The following PALM2AKAP2 variants were observed in gnomAD, a reference collection of about 807,000 sequenced individuals.
PALM2AKAP2 encodes PALM2 and AKAP2 fusion.
PALM2AKAP2 carries 37 observed loss-of-function variants against 71.5 expected under a neutral mutation model. The observed-to-expected ratio is 0.52, with a 90% CI of 0.40 to 0.68. The LOEUF (loss-of-function observed/expected upper bound fraction) is 0.68, where lower values mean the gene tolerates loss of function less well. PALM2AKAP2 is among the 30% of genes least tolerant of loss of function. The pLI is 0.00. For synonymous variants in PALM2AKAP2, 468 were observed against 478.8 expected (o/e 0.98, Z 0.29); for missense variants, 1,224 against 1,191.8 (o/e 1.03, Z -0.40).
intron 1 of PALM2AKAP2, among the ~76,000 whole-genome samples, chr9:109,798,748 GT>G (rs1472738471): frequency 6.6e-6 from 1 of 152,214 alleles, no homozygotes; most frequent in Admixed American, 6.5e-5. Context: ...TATGTTCACA[GT>G]TATTTAGAGT....
At chr9:109,726,286 C>T (rs149974594) in intron 1 of PALM2AKAP2, among the ~76,000 whole-genome samples, 39 of 152,310 alleles carry the variant, frequency 2.6e-4, no homozygotes, top group African/African-American at 8.4e-4. Context: ...CATGTAGAAT[C>T]CAGTCTGGTT....
intron 6 of PALM2AKAP2, among the ~76,000 whole-genome samples, chr9:109,988,356 T>A (rs371107387): frequency 1.3e-5 from 2 of 152,234 alleles, no homozygotes; most frequent in African/African-American, 4.8e-5. Context: ...TTCTAACCAA[T>A]TTTATATAGT....
intron 1 of PALM2AKAP2, among the ~76,000 whole-genome samples, chr9:109,743,723 A>G (rs1446397684): frequency 1.3e-5 from 2 of 152,148 alleles, no homozygotes; most frequent in African/African-American, 2.4e-5. Flanking sequence ...ACCTTGCATT[A>G]TGGTTGTTTG....
At chr9:110,137,437 A>T in exon 2 of PALM2AKAP2, 1 of 1,614,122 alleles carries the variant, frequency 6.2e-7, no homozygotes, top group Non-Finnish European at 8.5e-7. Context: ...TGGAGACCCC[A>T]TCGGCAGCAG....
intron 2 of PALM2AKAP2, among the ~76,000 whole-genome samples, chr9:110,138,978 C>G (rs762405478): frequency 5.9e-5 from 9 of 152,110 alleles, no homozygotes; most frequent in Non-Finnish European, 1.2e-4. Flanking sequence ...ACTAACTAAC[C>G]CCTTCTGAAT....
chr9:110,035,278 T>TACATATTAC, intron 7 of PALM2AKAP2, among the ~76,000 whole-genome samples: 3 of 84,224 alleles, frequency 3.6e-5, no homozygotes, highest in African/African-American at 7.3e-5. Context: ...TAATATATAA[T>TACATATTAC]ATACATATTG....
chr9:110,096,056 T>C (rs1466983893), intron 1 of PALM2AKAP2, among the ~76,000 whole-genome samples: 2 of 152,240 alleles, frequency 1.3e-5, no homozygotes, highest in African/African-American at 4.8e-5. Flanking sequence ...TACCCTTTTC[T>C]ATGTATGGAG....
At chr9:109,849,446 A>G (rs1828949994) in intron 1 of PALM2AKAP2, among the ~76,000 whole-genome samples, 1 of 152,140 alleles carries the variant, frequency 6.6e-6, no homozygotes, top group African/African-American at 2.4e-5. Context: ...TTGCTTTCAC[A>G]TGTCAAAAAA....
At chr9:110,152,916 C>T (rs905396624) in intron 2 of PALM2AKAP2, among the ~76,000 whole-genome samples, 4 of 152,090 alleles carry the variant, frequency 2.6e-5, no homozygotes, top group African/African-American at 4.8e-5. Context: ...GAATGATGGC[C>T]GGAAGTCTGG....
chr9:110,086,391 G>T (rs573400840), intron 1 of PALM2AKAP2, among the ~76,000 whole-genome samples: 7 of 152,220 alleles, frequency 4.6e-5, no homozygotes, highest in Non-Finnish European at 8.8e-5. Context: ...AGAGCACCCA[G>T]CACATAGTAG....
intron 1 of PALM2AKAP2, among the ~76,000 whole-genome samples, chr9:110,106,939 G>A (rs1835135041): frequency 6.6e-6 from 1 of 152,154 alleles, no homozygotes; most frequent in South Asian, 2.1e-4. Flanking sequence ...CCCAAACAAT[G>A]CTTTGATGTG....
At chr9:110,032,397 TAAAG>T (rs1458773876) in intron 7 of PALM2AKAP2, among the ~76,000 whole-genome samples, 1 of 148,496 alleles carries the variant, frequency 6.7e-6, no homozygotes, top group Non-Finnish European at 1.5e-5. Context: ...CATCTCTACT[TAAAG>T]AAAAAAAACC....
intron 3 of PALM2AKAP2, among the ~76,000 whole-genome samples, chr9:110,164,078 A>C (rs912983863): frequency 6.6e-6 from 1 of 152,218 alleles, no homozygotes; most frequent in Admixed American, 6.5e-5. Flanking sequence ...CTTTCATAAG[A>C]TATCAAATGA....
intron 1 of PALM2AKAP2, among the ~76,000 whole-genome samples, chr9:109,657,452 T>TTGTGTGTGTG (rs3062680): frequency 0.099 from 14,499 of 147,088 alleles, 756 homozygotes; most frequent in East Asian, 0.2. Context: ...AATATGGTAT[T>TTGTGTGTGTG]TGTGTGTGTG....
chr9:109,805,528 A>G (rs1232609597), intron 1 of PALM2AKAP2, among the ~76,000 whole-genome samples: 8 of 152,212 alleles, frequency 5.3e-5, no homozygotes, highest in Admixed American at 5.2e-4. Context: ...GGCACTGGAA[A>G]CACAAATGTA....
intron 1 of PALM2AKAP2, among the ~76,000 whole-genome samples, chr9:109,840,950 A>T (rs1587949900): frequency 1.3e-5 from 2 of 152,222 alleles, no homozygotes; most frequent in African/African-American, 2.4e-5. Context: ...ATTGTGGAAG[A>T]CAGTGTGGCG....
In PALM2AKAP2 at chr9:109,722,627, C is replaced by T. The variant is rs919241346; in HGVS notation, c.6-57861C>T. On this transcript the variant is annotated intron_variant, in intron 1 of 6. Transcript: ENST00000374531. ...TCTCTACAAAAAATATGAAAATTAG[C>T]CAGGCGTGGTGGCATGCACCCGTAG... Among the ~76,000 whole-genome samples the T allele has an allele frequency of 2.0e-5, 3 of 152,030 alleles. No homozygotes were observed. In the South Asian group the frequency reaches 6.2e-4, roughly 32 times the overall value.
At chr9:109,962,156 A>C (rs898355756) in intron 6 of PALM2AKAP2, among the ~76,000 whole-genome samples, 3 of 152,246 alleles carry the variant, frequency 2.0e-5, no homozygotes, top group Admixed American at 2.0e-4. Context: ...AGTTGCTCAG[A>C]GTTCTGGTTC....
chr9:109,749,525 T>G (rs1342383587), intron 1 of PALM2AKAP2, among the ~76,000 whole-genome samples: 1 of 143,306 alleles, frequency 7.0e-6, no homozygotes, highest in African/African-American at 2.7e-5. Context: ...ATTGCCCTAG[T>G]AAGTGCAAAT....
Sources: gnomAD v4.1 joint callset for allele counts (sites outside exome capture counted in the v4.1 genomes callset) on GRCh38, gnomAD v4.1.1 for gene constraint, MANE v1.5 for transcripts, NCBI Gene and HGNC (gene_info 2026-07-23, HGNC 2026-07-21) for gene names.